NTF3: variants seen among roughly 807,000 people sequenced by gnomAD.
The protein encoded by NTF3 is neurotrophin-3.
NTF3 carries 8 observed loss-of-function variants against 26.3 expected under a neutral mutation model. The observed-to-expected ratio is 0.30, with a 90% CI of 0.18 to 0.55. The LOEUF (loss-of-function observed/expected upper bound fraction) is 0.55. Among genes scored for constraint, NTF3 ranks in the 20% least tolerant of loss-of-function variants. The pLI is 0.93. For synonymous variants in NTF3, 154 were observed against 145.5 expected, an observed-to-expected ratio of 1.06 and a Z score of -0.42; for missense variants, 276 against 352.9, an observed-to-expected ratio of 0.78 and a Z score of 1.75.
At chr12:5,462,570 G>A (rs145797843) in intron 1 of NTF3, among the ~76,000 whole-genome samples, 186 of 152,212 alleles carry the variant, frequency 1.2e-3, no homozygotes, top group Middle Eastern at 6.8e-3. Context: ...AATTTGCAGC[G>A]GCATGGACAC....
chr12:5,437,363 C>T (rs1001543998), intron 1 of NTF3, among the ~76,000 whole-genome samples: 3 of 152,196 alleles, frequency 2.0e-5, no homozygotes, highest in Admixed American at 6.5e-5. Flanking sequence ...ATTCCCCAGG[C>T]GGGACAGGCC....
intron 1 of NTF3, among the ~76,000 whole-genome samples, chr12:5,492,488 G>A (rs1361839877): frequency 6.6e-6 from 1 of 152,176 alleles, no homozygotes; most frequent in Admixed American, 6.5e-5. Context: ...TGTTGGGCCT[G>A]TAATATTGAA....
At chr12:5,432,377 G>C in intron 1 of NTF3, 35 bp downstream of exon 1, 1 of 1,586,460 alleles carries the variant, frequency 6.3e-7, no homozygotes, top group Non-Finnish European at 8.6e-7. Context: ...GGGTGGGCAG[G>C]TTTGGGGATG....
chr12:5,470,091 A>AT (rs1366471343), intron 1 of NTF3, among the ~76,000 whole-genome samples: 1 of 151,900 alleles, frequency 6.6e-6, no homozygotes, highest in Admixed American at 6.6e-5. Flanking sequence ...TGCCTGGCTA[A>AT]TTTTTTGTAT....
chr12:5,443,640 C>G (rs988405150), intron 1 of NTF3, among the ~76,000 whole-genome samples: 1 of 152,172 alleles, frequency 6.6e-6, no homozygotes, highest in African/African-American at 2.4e-5. Flanking sequence ...GATTCCTTCA[C>G]ATTAGAATTC....
In NTF3 at chr12:5,494,848, C is replaced by T. The variant is rs759815260; in HGVS notation, c.673C>T (p.His225Tyr). 9 of 1,614,002 alleles carry T rather than the reference C, an allele frequency of 5.6e-6. No homozygotes were observed. Among genetic ancestry groups the T allele is most frequent in the Non-Finnish European group, 5.9e-6 (7 of 1,180,044 alleles). Residue 225 changes from histidine (H) to tyrosine (Y), a missense_variant, in exon 2 of 2, where the codon CAC (histidine) becomes TAC (tyrosine). This residue lies in a region of NTF3 where 52 missense variants were observed against 78.4 expected (regional missense o/e 0.66). Coordinates refer to ENST00000423158, the MANE Select transcript of NTF3 (RefSeq NM_001102654.2). This position sits in a 1 kb window ranked among gnomAD's most constrained non-coding sequence, Gnocchi z 8.3. ...CGGTTGCAGGGGTATTGATGATAAA[C>T]ACTGGAACTCTCAGTGCAAAACATC... ...KNGCRGIDDKHWNSQCKTSQT... is the reference protein window; with the variant it reads ...KNGCRGIDDKYWNSQCKTSQT...
chr12:5,444,808 G>A (rs1375404337), intron 1 of NTF3, among the ~76,000 whole-genome samples: 1 of 152,182 alleles, frequency 6.6e-6, no homozygotes, highest in Non-Finnish European at 1.5e-5. Flanking sequence ...GCTGATGGTT[G>A]GATTGATGGA....
At chr12:5,474,986 C>A (rs926745685) in intron 1 of NTF3, among the ~76,000 whole-genome samples, 2 of 152,008 alleles carry the variant, frequency 1.3e-5, no homozygotes, top group Non-Finnish European at 2.9e-5. Context: ...GGATATAGCA[C>A]CCTTGAGATT....
intron 1 of NTF3, among the ~76,000 whole-genome samples, chr12:5,477,380 A>G (rs1940738094): frequency 6.6e-6 from 1 of 152,262 alleles, no homozygotes. Flanking sequence ...CGTTTCTTAA[A>G]GTGACAGCAA....
chr12:5,471,515 C>G (rs548856224), intron 1 of NTF3, among the ~76,000 whole-genome samples: 1 of 152,276 alleles, frequency 6.6e-6, no homozygotes, highest in South Asian at 2.1e-4. Context: ...GAAGCCAGGC[C>G]CTCACCTGGA....
At chr12:5,487,384 G>A (rs1458325236) in intron 1 of NTF3, among the ~76,000 whole-genome samples, 3 of 152,126 alleles carry the variant, frequency 2.0e-5, no homozygotes, top group Non-Finnish European at 2.9e-5. Context: ...TCTCCATCTC[G>A]GTCCACTTAG....
chr12:5,432,350 G>T lies in NTF3; in HGVS notation c.18+8G>T, dbSNP rs1382465611. The T allele has an allele frequency of 1.1e-5, 17 of 1,612,702 alleles. No homozygotes were observed. The highest frequency in any genetic ancestry group is 1.4e-5 in the Non-Finnish European group (17 of 1,179,680). ...ATGGTTACTTTTGCCACGGTAAGGG[G>T]AGGCGGCGGGCACCTTGGGTGGGCA... On this transcript the variant is annotated splice_region_variant and intron_variant, in intron 1 of 1. Coordinates refer to ENST00000423158, the MANE Select transcript of NTF3 (RefSeq NM_001102654.2).
chr12:5,479,200 T>C (rs1373813059), intron 1 of NTF3, among the ~76,000 whole-genome samples: 1 of 152,198 alleles, frequency 6.6e-6, no homozygotes, highest in Non-Finnish European at 1.5e-5. Context: ...AGAGAGGAGA[T>C]AGCGGTTGAG....
At position 5,432,359 on chromosome 12, in the gene NTF3, G is replaced by A; in HGVS notation, c.18+17G>A. 1 of 1,612,144 alleles carries A rather than the reference G, an allele frequency of 6.2e-7. No homozygotes were observed. The highest frequency in any genetic ancestry group is 8.5e-7 in the Non-Finnish European group (1 of 1,179,658). ...TTTGCCACGGTAAGGGGAGGCGGCG[G>A]GCACCTTGGGTGGGCAGGTTTGGGG... On this transcript the variant is annotated intron_variant, in intron 1 of 1. Coordinates refer to ENST00000423158, the MANE Select transcript of NTF3 (RefSeq NM_001102654.2).
At chr12:5,484,220 T>G (rs995258951) in intron 1 of NTF3, among the ~76,000 whole-genome samples, 1 of 152,146 alleles carries the variant, frequency 6.6e-6, no homozygotes, top group Non-Finnish European at 1.5e-5. Context: ...TTTGGGCAAG[T>G]CACTTCCCCC....
intron 1 of NTF3, among the ~76,000 whole-genome samples, chr12:5,452,797 C>T: frequency 6.6e-6 from 1 of 152,146 alleles, no homozygotes. Context: ...CTGTCGCCTC[C>T]CCTTTGCTTC....
chr12:5,463,288 A>G (rs905907619), intron 1 of NTF3, among the ~76,000 whole-genome samples: 1 of 152,202 alleles, frequency 6.6e-6, no homozygotes, highest in African/African-American at 2.4e-5. Flanking sequence ...TGCCTTCTGA[A>G]TCAACTGTCT....
At chr12:5,438,021 A>C (rs73039974) in intron 1 of NTF3, among the ~76,000 whole-genome samples, 13,936 of 152,192 alleles carry the variant, frequency 0.092, 672 homozygotes, top group South Asian at 0.12. Flanking sequence ...TACAGGTGGG[A>C]CAGCCTGAGA....
At chr12:5,431,869 T>C (rs1415129927), upstream of NTF3, among the ~76,000 whole-genome samples, 1 of 151,556 alleles carries the variant, frequency 6.6e-6, no homozygotes, top group Non-Finnish European at 1.5e-5. Context: ...GATTTGGAAG[T>C]TTTTGTTGCT....
Sources: gnomAD v4.1 joint callset for allele counts (sites outside exome capture counted in the v4.1 genomes callset) on GRCh38, gnomAD v4.1.1 for gene constraint, gnomAD v4.1.1 regional missense constraint, Gnocchi (gnomAD v3.1) non-coding constraint, MANE v1.5 for transcripts, NCBI Gene and HGNC (gene_info 2026-07-23, HGNC 2026-07-21) for gene names.